OTOF: variants seen among roughly 807,000 people sequenced by gnomAD.
The protein encoded by OTOF is otoferlin.
A neutral mutation model predicts 236.8 loss-of-function variants in OTOF; 218 were observed. The ratio of observed to expected loss-of-function variants is 0.92; its 90% CI spans 0.82 to 1.03. OTOF has a LOEUF of 1.03. Among genes scored for constraint, OTOF ranks in the 50% least tolerant of loss-of-function variants. The probability of loss-of-function intolerance (pLI) is 0.00; values close to 1 mark genes in which losing one functional copy is unlikely to be tolerated. For missense variants in OTOF, 2,590 were observed against 2,694.4 expected (o/e 0.96, Z 0.86); for synonymous variants, 1,041 against 1,072.5 (o/e 0.97, Z 0.57).
At chr2:26,530,091 T>C (rs1284625862) in intron 2 of OTOF, among the ~76,000 whole-genome samples, 1 of 149,368 alleles carries the variant, frequency 6.7e-6, no homozygotes, top group Non-Finnish European at 1.5e-5. Context: ...GCCACCGAGA[T>C]TTGGTTTACT....
intron 2 of OTOF, among the ~76,000 whole-genome samples, chr2:26,529,864 G>A (rs10181318): frequency 0.7 from 105,894 of 151,542 alleles, 37,837 homozygotes; most frequent in African/African-American, 0.81. Context: ...GGCACAGGGC[G>A]GAGGGGTGCG....
At chr2:26,496,642 C>T (rs964062214) in intron 8 of OTOF, among the ~76,000 whole-genome samples, 3 of 152,114 alleles carry the variant, frequency 2.0e-5, no homozygotes, top group Middle Eastern at 6.8e-3. Context: ...CTACTTTTCC[C>T]GAACCCTCAT....
intron 30 of OTOF, among the ~76,000 whole-genome samples, chr2:26,471,935 C>T (rs961662043): frequency 1.3e-5 from 2 of 151,850 alleles, no homozygotes; most frequent in Admixed American, 6.6e-5. Flanking sequence ...TACCTACCAC[C>T]CGCATGCATG....
intron 1 of OTOF, among the ~76,000 whole-genome samples, chr2:26,545,852 C>T (rs959287674): frequency 6.6e-6 from 1 of 152,136 alleles, no homozygotes; most frequent in Non-Finnish European, 1.5e-5. Flanking sequence ...TATTCTGCTC[C>T]ATTGGTCTAT....
chr2:26,484,844 T>C (rs1460513491), intron 11 of OTOF, among the ~76,000 whole-genome samples: 1 of 152,162 alleles, frequency 6.6e-6, no homozygotes, highest in African/African-American at 2.4e-5. Flanking sequence ...GGCCTGCCCA[T>C]GGACATATAT....
At position 26,473,037 on chromosome 2, in the gene OTOF, C is replaced by G; in HGVS notation, c.3733+95G>C. 1 of 1,376,598 alleles carries G rather than the reference C, an allele frequency of 7.3e-7. No homozygotes were observed. Among genetic ancestry groups the G allele is most frequent in the South Asian group, 1.3e-5 (1 of 78,456 alleles). 85.3% of individuals were successfully genotyped at this position (1,376,598 alleles called of 1,614,324 possible). The stretch of plus-strand genomic sequence containing the variant: ...TGCCCACCCCCTCGGCCCCAAAGAG[C>G]AAACTCTGGTCGCGGCTTGGACTGG... On this transcript the variant is annotated intron_variant, in intron 29 of 46. Coordinates refer to ENST00000272371, the MANE Select transcript of OTOF (RefSeq NM_194248.3). The surrounding 1 kb of genome is among the most constrained non-coding windows in gnomAD (Gnocchi z 7.2).
At chr2:26,468,938 C>A (rs1664857524) in intron 32 of OTOF, among the ~76,000 whole-genome samples, 1 of 152,050 alleles carries the variant, frequency 6.6e-6, no homozygotes, top group African/African-American at 2.4e-5. Context: ...GCATTAGGAG[C>A]AATACCCACT....
chr2:26,493,922 G>A (rs1319981618), intron 9 of OTOF, among the ~76,000 whole-genome samples: 2 of 152,186 alleles, frequency 1.3e-5, no homozygotes, highest in African/African-American at 4.8e-5. Flanking sequence ...ACTCCATCTT[G>A]CAAGACCGTT....
intron 1 of OTOF, among the ~76,000 whole-genome samples, chr2:26,548,556 G>A (rs902558034): frequency 6.6e-5 from 10 of 152,128 alleles, no homozygotes; most frequent in African/African-American, 1.7e-4. Flanking sequence ...TGAGCATTTC[G>A]TATACATTCA....
intron 1 of OTOF, among the ~76,000 whole-genome samples, chr2:26,543,944 T>C (rs1163044308): frequency 2.0e-5 from 3 of 152,208 alleles, no homozygotes; most frequent in Non-Finnish European, 4.4e-5. Context: ...TGTTCTCAAA[T>C]TCCTGACTTT....
intron 1 of OTOF, among the ~76,000 whole-genome samples, chr2:26,557,933 G>C (rs1170972925): frequency 6.6e-6 from 1 of 151,914 alleles, no homozygotes; most frequent in African/African-American, 2.4e-5. Flanking sequence ...CTGAATACAG[G>C]AGTGAAAAGG....
At chr2:26,463,795 GACCCTTGCCATTCAAGTT>G (rs1400097251) in intron 40 of OTOF, among the ~76,000 whole-genome samples, 151 bp downstream of exon 40, 4 of 152,338 alleles carry the variant, frequency 2.6e-5, no homozygotes, top group Admixed American at 2.6e-4. Context: ...TCAAAGCAAA[GACCCTTGCCATTCAAGTT>G]ACCCTGAGGG....
chr2:26,557,490 G>A (rs1398308417), intron 1 of OTOF, among the ~76,000 whole-genome samples: 1 of 152,142 alleles, frequency 6.6e-6, no homozygotes, highest in East Asian at 1.9e-4. Flanking sequence ...GCTGTCCCCG[G>A]GGTCAGGTCC....
intron 1 of OTOF, among the ~76,000 whole-genome samples, chr2:26,549,205 A>G (rs1667403043): frequency 1.3e-5 from 2 of 152,164 alleles, no homozygotes; most frequent in Admixed American, 1.3e-4. Flanking sequence ...TCTTCTTATT[A>G]TTGATTTTTA....
At chr2:26,501,697 A>G in intron 8 of OTOF, 57 bp downstream of exon 8, 6 of 1,190,094 alleles carry the variant, frequency 5.0e-6, no homozygotes, top group Admixed American at 1.7e-5. Context: ...ACATCCGGCT[A>G]GAATCCCCCA....
intron 5 of OTOF, among the ~76,000 whole-genome samples, 183 bp from the exon 6 acceptor site, chr2:26,504,028 CAG>C (rs1037250442): frequency 6.6e-6 from 1 of 152,102 alleles, no homozygotes; most frequent in Non-Finnish European, 1.5e-5. Flanking sequence ...GAGGGGGAAT[CAG>C]GGCAGTGAGA....
intron 1 of OTOF, among the ~76,000 whole-genome samples, chr2:26,551,059 G>A (rs967704297): frequency 3.3e-5 from 5 of 152,014 alleles, no homozygotes; most frequent in African/African-American, 4.8e-5. Context: ...GCACAATCTC[G>A]GCTCACTGCA....
At chr2:26,543,005 T>C (rs1340052988) in intron 1 of OTOF, among the ~76,000 whole-genome samples, 1 of 152,190 alleles carries the variant, frequency 6.6e-6, no homozygotes, top group African/African-American at 2.4e-5. Flanking sequence ...CCTTGTGTTA[T>C]TTAAAATCAG....
At chr2:26,538,190 G>T (rs546802149) in intron 1 of OTOF, among the ~76,000 whole-genome samples, 1 of 152,162 alleles carries the variant, frequency 6.6e-6, no homozygotes, top group Non-Finnish European at 1.5e-5. Flanking sequence ...TATAGGGGGC[G>T]TAGCCCCTGC....
Sources: allele counts gnomAD v4.1 joint callset (sites outside exome capture counted in the v4.1 genomes callset), GRCh38; gene constraint gnomAD v4.1.1; non-coding constraint Gnocchi (gnomAD v3.1); transcripts MANE v1.5; gene names NCBI Gene and HGNC (gene_info 2026-07-23, HGNC 2026-07-21).